The following KAZN variants were observed in gnomAD, a reference collection of about 807,000 sequenced individuals.
KAZN encodes the protein kazrin.
KAZN carries 40 observed loss-of-function variants against 87.4 expected under a neutral mutation model. That is an observed-to-expected ratio of 0.46 (90% CI 0.36 to 0.60). The LOEUF is 0.60. Ranked by LOEUF, KAZN falls within the 20% of genes least tolerant of loss-of-function variation. KAZN has a pLI of 0.00. For synonymous variants in KAZN, 466 were observed against 458.3 expected (o/e 1.02, Z -0.22); for missense variants, 898 against 1,073.9 (o/e 0.84, Z 2.29).
intron 1 of KAZN, among the ~76,000 whole-genome samples, chr1:13,978,880 C>A (rs1215715918): frequency 6.6e-6 from 1 of 151,278 alleles, no homozygotes; most frequent in Non-Finnish European, 1.5e-5. Context: ...GTGGGAGGAT[C>A]GCTTGAGCTC....
At chr1:14,442,903 G>A (rs1666779679) in intron 2 of KAZN, among the ~76,000 whole-genome samples, 1 of 152,180 alleles carries the variant, frequency 6.6e-6, no homozygotes, top group Non-Finnish European at 1.5e-5. Flanking sequence ...TCCCCGACAC[G>A]TGGGTCATTT....
intron 2 of KAZN, among the ~76,000 whole-genome samples, chr1:14,321,117 T>C (rs572448345): frequency 6.6e-6 from 1 of 152,208 alleles, no homozygotes; most frequent in South Asian, 2.1e-4. Flanking sequence ...AAATGTACCA[T>C]GAAGCACCCT....
At chr1:15,063,504 G>A (rs933273678) in intron 6 of KAZN, 68 bp from the exon 7 acceptor site, 26 of 1,393,354 alleles carry the variant, frequency 1.9e-5, no homozygotes, top group African/African-American at 1.6e-4. Context: ...CACACCGCAC[G>A]GGCCGCCTCT....
chr1:13,900,085 G>A (rs1204178657), intron 1 of KAZN, among the ~76,000 whole-genome samples: 1 of 152,292 alleles, frequency 6.6e-6, no homozygotes, highest in East Asian at 1.9e-4. Flanking sequence ...GGTGTTAGTG[G>A]AATCTGGCAA....
chr1:14,184,614 C>A lies in KAZN; in HGVS notation c.249+4022C>A, dbSNP rs1046913536. ...ATTTGGGTGGCTTCGTTTTTCTTTT[C>A]TCTTTTTAAAAGAGCTGTCTAGCAA... is the stretch of plus-strand genomic sequence containing the variant. On this transcript the variant is annotated intron_variant, in intron 2 of 16. Coordinates refer to the KAZN transcript ENST00000636203. This position sits in a 1 kb window ranked among gnomAD's most constrained non-coding sequence, Gnocchi z 4.2. Among the ~76,000 whole-genome samples the A allele has an allele frequency of 1.3e-5, 2 of 152,070 alleles. No individual in the cohort carries two copies. Among genetic ancestry groups the A allele is most frequent in the Non-Finnish European group, 2.9e-5 (2 of 68,006 alleles).
chr1:14,626,845 G>A (rs188004487), intron 1 of KAZN, among the ~76,000 whole-genome samples: 1 of 152,164 alleles, frequency 6.6e-6, no homozygotes, highest in East Asian at 1.9e-4. Context: ...TGCTGCTTGC[G>A]GCCCTGTTCC....
chr1:14,082,658 G>T (rs1171122454), intron 1 of KAZN, among the ~76,000 whole-genome samples: 2 of 152,198 alleles, frequency 1.3e-5, no homozygotes, highest in East Asian at 1.9e-4. Context: ...CAGTTAATGT[G>T]TGTTTTTGCC....
At chr1:14,116,386 G>A (rs1644618730) in intron 1 of KAZN, among the ~76,000 whole-genome samples, 1 of 152,180 alleles carries the variant, frequency 6.6e-6, no homozygotes, top group East Asian at 1.9e-4. Flanking sequence ...GCTGACAGGG[G>A]CCAACATAGA....
chr1:14,548,653 C>T (rs937457687), intron 2 of KAZN, among the ~76,000 whole-genome samples: 3 of 152,134 alleles, frequency 2.0e-5, no homozygotes, highest in Non-Finnish European at 2.9e-5. Context: ...AGAACCCATC[C>T]TTTTGAGCAC....
chr1:14,856,166 G>A lies in KAZN; in HGVS notation c.227-104518G>A, dbSNP rs1650078842. Among the ~76,000 whole-genome samples the A allele has an allele frequency of 1.3e-5, 2 of 152,172 alleles. No homozygotes were observed. Among genetic ancestry groups the A allele is most frequent in the Admixed American group, 6.5e-5 (1 of 15,274 alleles). On this transcript the variant is annotated intron_variant, in intron 1 of 14. Transcript: ENST00000376030. The surrounding 1 kb of genome is among the most constrained non-coding windows in gnomAD (Gnocchi z 5.2). ...ATCAGACTCTGAGGGTGGTCAGGGAGGCTGCAGCTCTTGGGAGGATAATGG... is the reference window on the plus strand; with the variant it reads ...ATCAGACTCTGAGGGTGGTCAGGGAAGCTGCAGCTCTTGGGAGGATAATGG...
chr1:13,990,317 T>A (rs1639217113), intron 1 of KAZN, among the ~76,000 whole-genome samples: 1 of 152,168 alleles, frequency 6.6e-6, no homozygotes, highest in South Asian at 2.1e-4. Flanking sequence ...GTGTGATATA[T>A]TTATACGAAG....
chr1:14,894,658 GCTT>G (rs1655070607), intron 1 of KAZN, among the ~76,000 whole-genome samples: 1 of 152,208 alleles, frequency 6.6e-6, no homozygotes, highest in African/African-American at 2.4e-5. Context: ...TAGACTCTAA[GCTT>G]CTTGAACCCG....
intron 1 of KAZN, among the ~76,000 whole-genome samples, chr1:14,673,223 T>A (rs1640019402): frequency 6.6e-6 from 1 of 152,154 alleles, no homozygotes; most frequent in Non-Finnish European, 1.5e-5. Context: ...TCAACTGCAC[T>A]GAGATTTTAC....
At chr1:14,131,510 A>G (rs1346556799) in intron 1 of KAZN, among the ~76,000 whole-genome samples, 1 of 152,068 alleles carries the variant, frequency 6.6e-6, no homozygotes, top group African/African-American at 2.4e-5. Context: ...AGCACATTAG[A>G]TATATGTTTT....
chr1:13,906,633 G>A (rs1255664403), intron 1 of KAZN, among the ~76,000 whole-genome samples: 1 of 152,110 alleles, frequency 6.6e-6, no homozygotes, highest in African/African-American at 2.4e-5. Flanking sequence ...GACCTTTAAT[G>A]TCTTCCATTC....
chr1:14,745,514 A>T (rs897023230), intron 1 of KAZN, among the ~76,000 whole-genome samples: 30 of 152,270 alleles, frequency 2.0e-4, no homozygotes, highest in Admixed American at 1.6e-3. Flanking sequence ...AATAGTCATA[A>T]TAAAACTGAA....
intron 2 of KAZN, among the ~76,000 whole-genome samples, chr1:14,388,160 G>A (rs139202057): frequency 0.01 from 1,577 of 152,272 alleles, 20 homozygotes; most frequent in Non-Finnish European, 0.017. Flanking sequence ...GCAATGCCTC[G>A]CCCTGCTTCG....
intron 1 of KAZN, among the ~76,000 whole-genome samples, chr1:14,623,919 C>T (rs1678908182): frequency 6.6e-6 from 1 of 152,004 alleles, no homozygotes; most frequent in African/African-American, 2.4e-5. Context: ...AACTTAAGTC[C>T]TTTAATAATT....
At chr1:14,547,518 A>T (rs1673230336) in intron 2 of KAZN, among the ~76,000 whole-genome samples, 2 of 152,208 alleles carry the variant, frequency 1.3e-5, no homozygotes, top group African/African-American at 4.8e-5. Context: ...TAAATTGACG[A>T]CATGAATCAA....
Sources: allele counts gnomAD v4.1 joint callset (sites outside exome capture counted in the v4.1 genomes callset), GRCh38; gene constraint gnomAD v4.1.1; non-coding constraint Gnocchi (gnomAD v3.1); transcripts MANE v1.5; gene names NCBI Gene and HGNC (gene_info 2026-07-23, HGNC 2026-07-21).